Variants in CSMD1 observed in about 807,000 individuals in gnomAD.
CSMD1 encodes CUB and sushi domain-containing protein 1.
Under a neutral mutation model 417.5 loss-of-function variants are expected in CSMD1, and 213 were observed. The observed-to-expected ratio is 0.51, with a 90% CI of 0.46 to 0.57. CSMD1 has a LOEUF of 0.57. Among genes scored for constraint, CSMD1 ranks in the 20% least tolerant of loss-of-function variants. The pLI, the probability that CSMD1 is intolerant of heterozygous loss-of-function variation, is 0.00. For missense variants in CSMD1, 6,923 were observed against 4,529.7 expected (o/e 1.53, Z -15.17); for synonymous variants, 2,862 against 1,736.8 (o/e 1.65, Z -16.11).
intron 3 of CSMD1, among the ~76,000 whole-genome samples, chr8:4,339,570 G>T (rs536452159): frequency 6.6e-6 from 1 of 151,942 alleles, no homozygotes. Context: ...AATAACTTTC[G>T]GTTGTTTATT....
intron 6 of CSMD1, among the ~76,000 whole-genome samples, chr8:3,737,318 A>G (rs1317822335): frequency 1.3e-5 from 2 of 152,208 alleles, no homozygotes; most frequent in African/African-American, 4.8e-5. Context: ...AGGCAAAGAC[A>G]GCTGACCACA....
intron 10 of CSMD1, among the ~76,000 whole-genome samples, chr8:3,562,275 C>G (rs1214985577): frequency 1.3e-5 from 2 of 151,540 alleles, no homozygotes; most frequent in African/African-American, 4.9e-5. Context: ...CACAAAACAT[C>G]AACTGATGAG....
At chr8:4,556,664 C>A (rs557907731) in intron 2 of CSMD1, among the ~76,000 whole-genome samples, 1 of 152,172 alleles carries the variant, frequency 6.6e-6, no homozygotes, top group Non-Finnish European at 1.5e-5. Flanking sequence ...TAGTGCAATG[C>A]AAACAACAAA....
chr8:4,173,031 C>A (rs1356648596), intron 3 of CSMD1, among the ~76,000 whole-genome samples: 1 of 152,108 alleles, frequency 6.6e-6, no homozygotes, highest in East Asian at 1.9e-4. Flanking sequence ...ATTTTAGCCC[C>A]TAATATTGCA....
intron 26 of CSMD1, among the ~76,000 whole-genome samples, chr8:3,266,988 G>C (rs1207211209): frequency 6.6e-6 from 1 of 152,082 alleles, no homozygotes; most frequent in East Asian, 1.9e-4. Context: ...AGACAAACAA[G>C]CTGACACTCA....
intron 51 of CSMD1, among the ~76,000 whole-genome samples, chr8:3,020,749 G>C (rs1809298667): frequency 6.6e-6 from 1 of 152,148 alleles, no homozygotes; most frequent in Non-Finnish European, 1.5e-5. Flanking sequence ...TCTGTGGGGT[G>C]CACTACCAGA....
chr8:3,989,589 G>C (rs1012451765), intron 5 of CSMD1, among the ~76,000 whole-genome samples: 3 of 152,216 alleles, frequency 2.0e-5, no homozygotes, highest in Admixed American at 2.0e-4. Context: ...ATTGCATTAA[G>C]AGATTTCTCA....
chr8:4,208,867 A>T (rs1302261788), intron 3 of CSMD1, among the ~76,000 whole-genome samples: 1 of 152,184 alleles, frequency 6.6e-6, no homozygotes, highest in Non-Finnish European at 1.5e-5. Flanking sequence ...TATCCATTCA[A>T]AATACCAGGG....
chr8:3,572,698 G>T (rs1374241701), intron 10 of CSMD1, among the ~76,000 whole-genome samples: 2 of 152,010 alleles, frequency 1.3e-5, no homozygotes, highest in Non-Finnish European at 2.9e-5. Context: ...TGTCGCAATG[G>T]GATACTTCTG....
At chr8:3,231,993 A>G (rs1798867386) in intron 26 of CSMD1, among the ~76,000 whole-genome samples, 1 of 152,250 alleles carries the variant, frequency 6.6e-6, no homozygotes, top group African/African-American at 2.4e-5. Flanking sequence ...ATTGATTGTT[A>G]TTACATTGAA....
intron 5 of CSMD1, among the ~76,000 whole-genome samples, chr8:3,994,309 C>G (rs1390876062): frequency 2.6e-5 from 4 of 152,014 alleles, no homozygotes; most frequent in Non-Finnish European, 5.9e-5. Flanking sequence ...CCAGCCAAGA[C>G]TATACAACCT....
intron 7 of CSMD1, among the ~76,000 whole-genome samples, chr8:3,670,197 G>C (rs13258539): frequency 6.6e-6 from 1 of 151,588 alleles, no homozygotes; most frequent in Non-Finnish European, 1.5e-5. Context: ...CTTAATCTGG[G>C]TGGGTACCCT....
At chr8:3,965,648 C>T (rs746108670) in intron 5 of CSMD1, among the ~76,000 whole-genome samples, 1 of 152,022 alleles carries the variant, frequency 6.6e-6, no homozygotes, top group East Asian at 1.9e-4. Flanking sequence ...AATGGAGTCT[C>T]ACCCTGTCGC....
intron 3 of CSMD1, among the ~76,000 whole-genome samples, chr8:4,162,891 T>C (rs1797251480): frequency 6.6e-6 from 1 of 152,214 alleles, no homozygotes; most frequent in Non-Finnish European, 1.5e-5. Flanking sequence ...ATTTCCCTGT[T>C]GATTTCCCCT....
chr8:3,493,734 C>A lies in CSMD1; in HGVS notation c.1345-8G>T. On this transcript the variant is annotated splice_region_variant and splice_polypyrimidine_tract_variant and intron_variant, in intron 10 of 69. Transcript: ENST00000635120. ...AAAGGCAAGCTTGATGACCTAAATA[C>A]AAGGTACGAAACAGTGACTTAGAAC... is the stretch of plus-strand genomic sequence containing the variant. 1 of 1,603,998 alleles carries A rather than the reference C, an allele frequency of 6.2e-7. No homozygotes were observed. The highest frequency in any genetic ancestry group is 1.3e-5 in the African/African-American group (1 of 74,886).
chr8:4,960,563 G>A (rs1235833609), intron 1 of CSMD1, among the ~76,000 whole-genome samples: 1 of 152,096 alleles, frequency 6.6e-6, no homozygotes, highest in Non-Finnish European at 1.5e-5. Flanking sequence ...AAAGTATCCT[G>A]CAATCTTCAT....
intron 3 of CSMD1, among the ~76,000 whole-genome samples, chr8:4,294,555 T>G (rs1049150875): frequency 6.6e-6 from 1 of 152,166 alleles, no homozygotes; most frequent in African/African-American, 2.4e-5. Flanking sequence ...CACTTGTCCA[T>G]GGTGCCATGT....
chr8:3,322,939 G>C (rs1416148314), intron 23 of CSMD1, among the ~76,000 whole-genome samples: 1 of 151,262 alleles, frequency 6.6e-6, no homozygotes, highest in African/African-American at 2.4e-5. Context: ...GCTTTTTTTT[G>C]TTTTTGTTTT....
chr8:3,610,292 G>T (rs1023571124), intron 8 of CSMD1, among the ~76,000 whole-genome samples: 1 of 152,150 alleles, frequency 6.6e-6, no homozygotes, highest in African/African-American at 2.4e-5. Flanking sequence ...CAGCAATTTT[G>T]AATGTCAAGG....
Sources: allele counts gnomAD v4.1 joint callset (sites outside exome capture counted in the v4.1 genomes callset), GRCh38; gene constraint gnomAD v4.1.1; transcripts MANE v1.5; gene names NCBI Gene and HGNC (gene_info 2026-07-23, HGNC 2026-07-21).